Variants in PKN2 observed in about 807,000 individuals in gnomAD.
PKN2 encodes the protein serine/threonine-protein kinase N2.
Under a neutral mutation model 119.1 loss-of-function variants are expected in PKN2, and 38 were observed. The ratio of observed to expected loss-of-function variants is 0.32; its 90% CI spans 0.25 to 0.42. The LOEUF (loss-of-function observed/expected upper bound fraction) is 0.42. PKN2 is among the 10% of genes least tolerant of loss of function. The pLI, the probability that PKN2 is intolerant of heterozygous loss-of-function variation, is 1.00. For synonymous variants in PKN2, 390 were observed against 384.9 expected (o/e 1.01, Z -0.15); for missense variants, 850 against 1,165.1 (o/e 0.73, Z 3.94).
intron 1 of PKN2, 181 bp downstream of exon 1, chr1:88,684,809 C>G: frequency 1.9e-6 from 1 of 533,050 alleles, no homozygotes. Context: ...GGGAGCCGGA[C>G]CCTCTCCCCC....
At chr1:88,769,346 A>T (rs1669793431) in intron 3 of PKN2, among the ~76,000 whole-genome samples, 2 of 152,146 alleles carry the variant, frequency 1.3e-5, no homozygotes, top group African/African-American at 4.8e-5. Context: ...TCTTAGCATA[A>T]TTAATTGGAA....
chr1:88,792,304 G>A (rs1160840845), intron 8 of PKN2, among the ~76,000 whole-genome samples: 1 of 152,186 alleles, frequency 6.6e-6, no homozygotes, highest in African/African-American at 2.4e-5. Flanking sequence ...TCGGGAGGCT[G>A]AGGCAATAGA....
chr1:88,736,833 A>G (rs963125486), intron 1 of PKN2, among the ~76,000 whole-genome samples: 3 of 152,166 alleles, frequency 2.0e-5, no homozygotes, highest in African/African-American at 7.2e-5. Flanking sequence ...ACTAGATGGC[A>G]CCGTAAGCCC....
At chr1:88,781,069 G>T in intron 6 of PKN2, 1 of 1,140,714 alleles carries the variant, frequency 8.8e-7, no homozygotes, top group Non-Finnish European at 1.1e-6. Context: ...GCTCCTACTG[G>T]ACCATAAACT....
At chr1:88,730,429 G>T (rs1668103163) in intron 1 of PKN2, among the ~76,000 whole-genome samples, 1 of 152,144 alleles carries the variant, frequency 6.6e-6, no homozygotes, top group South Asian at 2.1e-4. Flanking sequence ...TAGTGTATTG[G>T]GTTTTGTCCT....
intron 1 of PKN2, among the ~76,000 whole-genome samples, chr1:88,740,376 T>G (rs1386862115): frequency 6.6e-6 from 1 of 152,168 alleles, no homozygotes. Flanking sequence ...CCTATTGAAT[T>G]TTTTTATTTG....
chr1:88,691,732 C>G (rs1412019223), intron 1 of PKN2, among the ~76,000 whole-genome samples: 3 of 152,146 alleles, frequency 2.0e-5, no homozygotes, highest in Non-Finnish European at 2.9e-5. Flanking sequence ...AGTAGTCCCT[C>G]CTTATCCACG....
At chr1:88,723,859 T>C (rs55783690) in intron 1 of PKN2, among the ~76,000 whole-genome samples, 2,876 of 152,316 alleles carry the variant, frequency 0.019, 49 homozygotes, top group Non-Finnish European at 0.019. Flanking sequence ...ACTGAGCATA[T>C]ACACCCCCTT....
At chr1:88,713,388 C>T (rs1172583979) in intron 1 of PKN2, among the ~76,000 whole-genome samples, 6 of 152,178 alleles carry the variant, frequency 3.9e-5, no homozygotes, top group Non-Finnish European at 8.8e-5. Context: ...TTTACACTCC[C>T]ACCAACAGTG....
rs1419542894 is a variant in PKN2 at position 88,835,108 on chromosome 1, A to G, written c.*1660A>G. On this transcript the variant is annotated 3_prime_UTR_variant, in exon 22 of 22. Coordinates refer to ENST00000370521, the MANE Select transcript of PKN2 (RefSeq NM_006256.4). ...TGCTGGGATGTTTTAGCATCTTTTC[A>G]TTGTACTCTGAGAACAATTAAAATT... 6.6e-6 allele frequency: 1 copy of G among 152,222 alleles called. No individual in the cohort carries two copies. The allele number at this position is 152,222 out of a possible 1,614,324, so 9.4% of individuals were successfully genotyped here. A position where few individuals can be genotyped will look rare whatever the true frequency, so the allele number is the denominator to read the frequency against.
At chr1:88,752,002 A>G (rs1195614152) in intron 2 of PKN2, among the ~76,000 whole-genome samples, 1 of 152,150 alleles carries the variant, frequency 6.6e-6, no homozygotes, top group East Asian at 1.9e-4. Flanking sequence ...GACTTGGAGT[A>G]TAATGGCGTA....
chr1:88,725,858 C>A (rs1439872913), intron 1 of PKN2, among the ~76,000 whole-genome samples: 1 of 152,156 alleles, frequency 6.6e-6, no homozygotes, highest in Non-Finnish European at 1.5e-5. Context: ...GGGGAAAACA[C>A]AGATTTTCTC....
At chr1:88,779,777 C>T (rs1433489233) in intron 6 of PKN2, among the ~76,000 whole-genome samples, 1 of 152,182 alleles carries the variant, frequency 6.6e-6, no homozygotes, top group Non-Finnish European at 1.5e-5. Flanking sequence ...TAAACTTATA[C>T]ATCAAAACAT....
At chr1:88,831,153 G>C (rs576663261) in intron 19 of PKN2, among the ~76,000 whole-genome samples, 2 of 152,018 alleles carry the variant, frequency 1.3e-5, no homozygotes, top group East Asian at 3.9e-4. Flanking sequence ...TGTCAGTGTT[G>C]ACATCTGAAC....
intron 1 of PKN2, among the ~76,000 whole-genome samples, chr1:88,701,922 G>T (rs1031328414): frequency 6.6e-6 from 1 of 152,122 alleles, no homozygotes; most frequent in African/African-American, 2.4e-5. Context: ...AACAGTCATT[G>T]TAGGACTTTA....
At position 88,735,333 on chromosome 1, in the gene PKN2, A is replaced by G. The variant is rs373838713; in HGVS notation, c.49-5655A>G. On this transcript the variant is annotated intron_variant, in intron 1 of 21. Transcript: ENST00000370521. ...GCCACCACACCCAGCTGATTTTTTA[A>G]TTTTCATTTTTAGTAGAGTCAAAGT... Among the ~76,000 whole-genome samples, 4 of 151,734 alleles carry G rather than the reference A, an allele frequency of 2.6e-5. No individual in the cohort carries two copies. In the South Asian group the frequency reaches 6.3e-4, roughly 24 times the overall value.
intron 1 of PKN2, among the ~76,000 whole-genome samples, chr1:88,686,239 T>G (rs1666092467): frequency 1.3e-5 from 2 of 152,162 alleles, no homozygotes; most frequent in South Asian, 4.1e-4. Context: ...TGGTTTTGAT[T>G]GAGAAAGATG....
chr1:88,750,944 G>A (rs1468421449), intron 2 of PKN2, among the ~76,000 whole-genome samples: 1 of 152,104 alleles, frequency 6.6e-6, no homozygotes, highest in Non-Finnish European at 1.5e-5. Flanking sequence ...ACTGCTGCCA[G>A]CATTTTTTTA....
chr1:88,691,902 A>C (rs1208881779), intron 1 of PKN2, among the ~76,000 whole-genome samples: 1 of 152,068 alleles, frequency 6.6e-6, no homozygotes, highest in Admixed American at 6.6e-5. Flanking sequence ...GTTATTGTTA[A>C]TTGCTTACTG....
Sources: allele counts gnomAD v4.1 joint callset (sites outside exome capture counted in the v4.1 genomes callset), GRCh38; gene constraint gnomAD v4.1.1; transcripts MANE v1.5; gene names NCBI Gene and HGNC (gene_info 2026-07-23, HGNC 2026-07-21).